The following NSUN4 variants were observed in gnomAD, a reference collection of about 807,000 sequenced individuals.
The protein encoded by NSUN4 is NOP2/Sun RNA methyltransferase 4.
A neutral mutation model predicts 43.8 loss-of-function variants in NSUN4; 31 were observed. That is an observed-to-expected ratio of 0.71 (90% CI 0.53 to 0.96). The LOEUF (loss-of-function observed/expected upper bound fraction) is 0.96, where lower values mean the gene tolerates loss of function less well. NSUN4 is among the 40% of genes least tolerant of loss of function. The probability of loss-of-function intolerance (pLI) is 0.00; values close to 1 mark genes in which losing one functional copy is unlikely to be tolerated. For synonymous variants in NSUN4, 167 were observed against 184.1 expected, an observed-to-expected ratio of 0.91 and a Z score of 0.75; for missense variants, 439 against 475.6, an observed-to-expected ratio of 0.92 and a Z score of 0.72.
chr1:46,376,832 G>A, the NSUN4 span, among the ~76,000 whole-genome samples: 33,991 of 150,830 alleles, frequency 0.23, 4,285 homozygotes, highest in Non-Finnish European at 0.29. Flanking sequence ...ATCTTGGCTT[G>A]CTGCAACCTC....
chr1:46,361,403 GAGAGTGA>G (rs1343620176), intron 5 of NSUN4, among the ~76,000 whole-genome samples, 160 bp from the exon 6 acceptor site: 81 of 152,296 alleles, frequency 5.3e-4, no homozygotes, highest in African/African-American at 1.8e-3. Flanking sequence ...TATCTGCCTT[GAGAGTGA>G]CTTTTCAGAC....
At chr1:46,359,074 A>G (rs1663612410) in intron 4 of NSUN4, among the ~76,000 whole-genome samples, 2 of 152,030 alleles carry the variant, frequency 1.3e-5, no homozygotes, top group African/African-American at 4.8e-5. Flanking sequence ...CCTGGCCAAT[A>G]TGGCAAAACC....
rs1196322096 is a variant in NSUN4 at position 46,361,719 on chromosome 1, A to G, written c.1028A>G (p.His343Arg). ...SIQVQVEDLT[H>R]FRRVFMDTFC... ...CAGGTACAGGTGGAAGATCTGACTC[A>G]CTTCCGAAGGGTTTTCATGGACACA... is the stretch of plus-strand genomic sequence containing the variant. Residue 343 changes from histidine (H) to arginine (R), a missense_variant, in exon 6 of 6, where the codon CAC (histidine) becomes CGC (arginine). His to Arg is a conservative substitution (Grantham distance 29). Transcript: ENST00000474844. 1.9e-6 allele frequency: 3 copies of G among 1,614,196 alleles called. No individual in the cohort carries two copies. The East Asian group carries it at 6.7e-5, about 36-fold the overall frequency.
chr1:46,366,240 T>A (rs1189554213), downstream of NSUN4, among the ~76,000 whole-genome samples: 4 of 152,116 alleles, frequency 2.6e-5, no homozygotes, highest in African/African-American at 7.2e-5. Context: ...TAAATACAAT[T>A]AAGAATTTAA....
chr1:46,346,301 G>C (rs1480277413), intron 2 of NSUN4, among the ~76,000 whole-genome samples: 1 of 152,044 alleles, frequency 6.6e-6, no homozygotes, highest in East Asian at 1.9e-4. Context: ...TGTAATCCCA[G>C]CACTTTGGGA....
At chr1:46,370,462 G>A in the NSUN4 span, 1 of 151,908 alleles carries the variant, frequency 6.6e-6, no homozygotes. Context: ...ACATGTAGTA[G>A]GCTTGCCTTC....
intron 2 of NSUN4, among the ~76,000 whole-genome samples, chr1:46,345,988 A>G (rs1044700278): frequency 6.6e-6 from 1 of 151,156 alleles, no homozygotes; most frequent in Non-Finnish European, 1.5e-5. Context: ...TGTCTCTACT[A>G]AAATACAAAA....
At chr1:46,343,503 A>G (rs1662269503) in intron 1 of NSUN4, 1 of 399,574 alleles carries the variant, frequency 2.5e-6, no homozygotes, top group Non-Finnish European at 4.4e-6. Context: ...TAGTTCGACT[A>G]TTATTAGCAA....
intron 4 of NSUN4, among the ~76,000 whole-genome samples, chr1:46,359,844 T>C (rs1161669537): frequency 5.3e-5 from 8 of 152,102 alleles, no homozygotes; most frequent in South Asian, 2.1e-4. Context: ...TATTGGAGTA[T>C]AATACAGAAG....
At chr1:46,353,927 G>C (rs184759610) in intron 4 of NSUN4, among the ~76,000 whole-genome samples, 1 of 151,906 alleles carries the variant, frequency 6.6e-6, no homozygotes, top group Non-Finnish European at 1.5e-5. Context: ...TTTTGATAGC[G>C]ATTGCTAAAT....
At chr1:46,354,859 C>CG (rs1260542309) in intron 4 of NSUN4, among the ~76,000 whole-genome samples, 3 of 151,988 alleles carry the variant, frequency 2.0e-5, no homozygotes, top group African/African-American at 7.2e-5. Context: ...TTAGTAGAGA[C>CG]GGGGTTTCAC....
At chr1:46,379,309 G>A in the NSUN4 span, among the ~76,000 whole-genome samples, 1 of 152,054 alleles carries the variant, frequency 6.6e-6, no homozygotes, top group African/African-American at 2.4e-5. Context: ...GTCCAGTCAT[G>A]CAGCTATACC....
At chr1:46,358,600 C>T (rs1205615484) in intron 4 of NSUN4, among the ~76,000 whole-genome samples, 1 of 151,180 alleles carries the variant, frequency 6.6e-6, no homozygotes, top group African/African-American at 2.4e-5. Flanking sequence ...TGGGGTTTCA[C>T]CATGTTGGCC....
At chr1:46,361,258 CAT>C (rs1310523426) in intron 5 of NSUN4, among the ~76,000 whole-genome samples, 1 of 152,120 alleles carries the variant, frequency 6.6e-6, no homozygotes, top group African/African-American at 2.4e-5. Context: ...GTGAGTAGCA[CAT>C]GTTTGAAAAA....
downstream of NSUN4, among the ~76,000 whole-genome samples, chr1:46,365,982 G>A (rs1295749563): frequency 6.6e-6 from 1 of 152,020 alleles, no homozygotes; most frequent in Non-Finnish European, 1.5e-5. Flanking sequence ...GCAAAAATTA[G>A]CCGGGTGTGG....
chr1:46,368,224 A>G (rs186600555), downstream of NSUN4, among the ~76,000 whole-genome samples: 79 of 151,902 alleles, frequency 5.2e-4, no homozygotes, highest in African/African-American at 1.8e-3. Context: ...ATTCTCCCCC[A>G]TCCTCTCATG....
chr1:46,380,609 C>A, the NSUN4 span, among the ~76,000 whole-genome samples: 1 of 152,184 alleles, frequency 6.6e-6, no homozygotes, highest in African/African-American at 2.4e-5. Context: ...CTGTTCCAAG[C>A]TCTTTGCTTG....
chr1:46,375,022 TTTTA>T, the NSUN4 span, among the ~76,000 whole-genome samples: 7 of 152,326 alleles, frequency 4.6e-5, no homozygotes, highest in South Asian at 4.1e-4. Context: ...GATATACAAT[TTTTA>T]TTTGTCAGTT....
chr1:46,344,882 C>A lies in NSUN4; in HGVS notation c.175C>A (p.Leu59Ile). The part of the protein sequence containing the change: ...DMTYSVQFGD[L>I]WPSIRVSLLS... ...GACTTACAGTGTGCAGTTTGGAGATCTTTGGCCATCAATCCGTGTCAGTCT... is the reference window on the plus strand; with the variant it reads ...GACTTACAGTGTGCAGTTTGGAGATATTTGGCCATCAATCCGTGTCAGTCT... The change falls in exon 2 of 6, where the codon CTT (leucine) becomes ATT (isoleucine). Residue 59 changes from leucine (L) to isoleucine (I), a missense_variant. Transcript: ENST00000474844. 1.2e-6 allele frequency: 2 copies of A among 1,614,212 alleles called. No individual in the cohort carries two copies. Among genetic ancestry groups the A allele is most frequent in the Non-Finnish European group, 1.7e-6 (2 of 1,180,020 alleles).
Sources: allele counts gnomAD v4.1 joint callset (sites outside exome capture counted in the v4.1 genomes callset), GRCh38; gene constraint gnomAD v4.1.1; transcripts MANE v1.5; gene names NCBI Gene and HGNC (gene_info 2026-07-23, HGNC 2026-07-21).